The following ERICH6 variants were observed in gnomAD, a reference collection of about 807,000 sequenced individuals.
ERICH6 encodes glutamate-rich protein 6.
A neutral mutation model predicts 71.0 loss-of-function variants in ERICH6; 71 were observed. The observed-to-expected ratio is 1.00, with a 90% CI of 0.83 to 1.22. The LOEUF is 1.22. ERICH6 is among the 50% of genes most tolerant of loss of function. The pLI, the probability that ERICH6 is intolerant of heterozygous loss-of-function variation, is 0.00. For synonymous variants in ERICH6, 262 were observed against 278.4 expected (o/e 0.94, Z 0.59); for missense variants, 808 against 797.2 (o/e 1.01, Z -0.16).
chr3:150,682,183 T>C (rs371181405), intron 7 of ERICH6, 35 bp downstream of exon 7: 7 of 1,510,520 alleles, frequency 4.6e-6, no homozygotes, highest in Non-Finnish European at 6.4e-6. Flanking sequence ...TTAAAGATAA[T>C]ACTATTTCCA....
At chr3:150,666,175 G>A (rs184475749) in intron 13 of ERICH6, among the ~76,000 whole-genome samples, 22 of 152,274 alleles carry the variant, frequency 1.4e-4, no homozygotes, top group Non-Finnish European at 2.9e-4. Context: ...CATTATTGCC[G>A]GTCACTGAGA....
intron 3 of ERICH6, among the ~76,000 whole-genome samples, chr3:150,688,416 T>A (rs901656626): frequency 2.6e-5 from 4 of 152,210 alleles, no homozygotes; most frequent in African/African-American, 4.8e-5. Context: ...TATTATGCAG[T>A]AACTTCAAAG....
intron 6 of ERICH6, among the ~76,000 whole-genome samples, chr3:150,683,481 G>C (rs535687857): frequency 9.2e-5 from 14 of 152,170 alleles, no homozygotes; most frequent in Admixed American, 2.6e-4. Context: ...GACCATGAGG[G>C]AGGCCGGGCA....
chr3:150,698,061 C>A (rs1712718648), intron 3 of ERICH6, among the ~76,000 whole-genome samples: 2 of 152,158 alleles, frequency 1.3e-5, no homozygotes, highest in African/African-American at 4.8e-5. Flanking sequence ...TCTGGGCACC[C>A]TGTGTAAACT....
intron 10 of ERICH6, among the ~76,000 whole-genome samples, chr3:150,674,280 T>C (rs1711567720): frequency 2.0e-5 from 3 of 152,114 alleles, no homozygotes; most frequent in African/African-American, 7.2e-5. Context: ...ACATATCTAT[T>C]TTAATTTTTT....
chr3:150,690,492 C>A (rs1397544265), intron 3 of ERICH6, among the ~76,000 whole-genome samples: 13 of 151,986 alleles, frequency 8.6e-5, no homozygotes, highest in Admixed American at 7.2e-4. Context: ...TTTGTACACA[C>A]TGTTTCATTA....
At chr3:150,679,342 G>A (rs1345082191) in intron 9 of ERICH6, among the ~76,000 whole-genome samples, 1 of 152,136 alleles carries the variant, frequency 6.6e-6, no homozygotes, top group Non-Finnish European at 1.5e-5. Flanking sequence ...GAGCAGTGAT[G>A]TGAAGTCTTT....
chr3:150,673,017 C>G (rs763359778), intron 11 of ERICH6, among the ~76,000 whole-genome samples: 1 of 151,848 alleles, frequency 6.6e-6, no homozygotes, highest in Non-Finnish European at 1.5e-5. Context: ...ACAGTGAGAC[C>G]CTGTCTTAAA....
intron 12 of ERICH6, among the ~76,000 whole-genome samples, chr3:150,668,060 A>C (rs1484315058): frequency 6.6e-6 from 1 of 152,232 alleles, no homozygotes; most frequent in Non-Finnish European, 1.5e-5. Context: ...TAATCTAATA[A>C]CAAAAGCACA....
At chr3:150,688,474 C>A (rs1296579837) in intron 3 of ERICH6, among the ~76,000 whole-genome samples, 1 of 152,122 alleles carries the variant, frequency 6.6e-6, no homozygotes, top group Non-Finnish European at 1.5e-5. Context: ...TGATACATTG[C>A]TGTCTTAGTT....
chr3:150,667,082 G>A (rs1727451255), intron 12 of ERICH6, 67 bp from the exon 13 acceptor site: 2 of 1,445,770 alleles, frequency 1.4e-6, no homozygotes, highest in Non-Finnish European at 9.5e-7. Flanking sequence ...AATTATCCCT[G>A]TCACTTGCTA....
chr3:150,692,897 G>A (rs919043285), intron 3 of ERICH6, among the ~76,000 whole-genome samples: 1 of 152,046 alleles, frequency 6.6e-6, no homozygotes, highest in Non-Finnish European at 1.5e-5. Flanking sequence ...CAGAGACTAT[G>A]ACATCAGAAT....
intron 3 of ERICH6, among the ~76,000 whole-genome samples, chr3:150,688,209 A>T (rs1299569713): frequency 6.6e-6 from 1 of 152,144 alleles, no homozygotes; most frequent in Non-Finnish European, 1.5e-5. Context: ...ATCTGAAAAA[A>T]TTTTAAAGAT....
chr3:150,703,806 C>CTCCTCCTCCACCTCT lies in ERICH6; in HGVS notation c.92_93insAGAGGTGGAGGAGGA (p.Glu32_Glu33insValGluGluGluGlu). The CTCCTCCTCCACCTCT allele has an allele frequency of 6.4e-7, 1 of 1,557,182 alleles. No individual in the cohort carries two copies. On this transcript the variant is annotated inframe_insertion, in exon 1 of 14. Coordinates refer to ENST00000295910, the MANE Select transcript of ERICH6 (RefSeq NM_152394.5). ...CTTCCTCCTCCTCCTCCACCTCTTCCTCCTCCTCCTCCTCCTCTAACTCCT... is the reference window on the plus strand; with the variant it reads ...CTTCCTCCTCCTCCTCCACCTCTTCCTCCTCCTCCACCTCTTCCTCCTCCTCCTCCTCTAACTCCT...
intron 13 of ERICH6, among the ~76,000 whole-genome samples, chr3:150,662,839 A>C (rs915019814): frequency 1.3e-5 from 2 of 152,188 alleles, no homozygotes; most frequent in South Asian, 4.1e-4. Context: ...GCCTGAAGGA[A>C]GTGAGGGAAC....
chr3:150,678,326 C>A, intron 10 of ERICH6, 83 bp downstream of exon 10: 6 of 1,372,022 alleles, frequency 4.4e-6, no homozygotes, highest in Non-Finnish European at 5.9e-6. Flanking sequence ...CATCATGTAG[C>A]CAAGCTTCAT....
intron 6 of ERICH6, among the ~76,000 whole-genome samples, chr3:150,682,990 G>A (rs1289489546): frequency 1.3e-5 from 2 of 152,154 alleles, no homozygotes; most frequent in Non-Finnish European, 2.9e-5. Context: ...TCATGTCTGT[G>A]ATTGCACAGG....
chr3:150,660,830 G>C (rs1229999645), intron 13 of ERICH6, among the ~76,000 whole-genome samples: 1 of 152,194 alleles, frequency 6.6e-6, no homozygotes, highest in Non-Finnish European at 1.5e-5. Flanking sequence ...TTAAATGCAA[G>C]CAGAACTACT....
chr3:150,673,934 A>G (rs1711556514), intron 11 of ERICH6, 22 bp downstream of exon 11: 2 of 1,606,370 alleles, frequency 1.2e-6, no homozygotes, highest in Non-Finnish European at 1.7e-6. Flanking sequence ...GCTAATAAAA[A>G]TAACTTGTTG....
Sources: allele counts gnomAD v4.1 joint callset (sites outside exome capture counted in the v4.1 genomes callset), GRCh38; gene constraint gnomAD v4.1.1; transcripts MANE v1.5; gene names NCBI Gene and HGNC (gene_info 2026-07-23, HGNC 2026-07-21).